Variants in ST7 observed in about 807,000 individuals in gnomAD.
The protein encoded by ST7 is suppression of tumorigenicity 7, also known as suppressor of tumorigenicity 7 protein.
Under a neutral mutation model 78.7 loss-of-function variants are expected in ST7, and 28 were observed. That is an observed-to-expected ratio of 0.36 (90% CI 0.26 to 0.49). The LOEUF is 0.49. Ranked by LOEUF, ST7 falls within the 20% of genes least tolerant of loss-of-function variation. ST7 has a pLI of 0.99. For synonymous variants in ST7, 247 were observed against 249.6 expected, an observed-to-expected ratio of 0.99 and a Z score of 0.10; for missense variants, 418 against 696.0, an observed-to-expected ratio of 0.60 and a Z score of 4.49.
intron 9 of ST7, among the ~76,000 whole-genome samples, chr7:117,157,339 A>G (rs912874634): frequency 2.6e-5 from 4 of 152,196 alleles, no homozygotes; most frequent in Non-Finnish European, 5.9e-5. Flanking sequence ...GTTTCTGTAA[A>G]TAGCATGTGG....
At chr7:117,037,015 C>T (rs1796933307) in intron 1 of ST7, among the ~76,000 whole-genome samples, 1 of 152,120 alleles carries the variant, frequency 6.6e-6, no homozygotes, top group Non-Finnish European at 1.5e-5. Context: ...ACAGGTTGGA[C>T]CCAGCATTGT....
intron 1 of ST7, among the ~76,000 whole-genome samples, chr7:117,092,894 C>G (rs1050288721): frequency 6.6e-6 from 1 of 152,170 alleles, no homozygotes; most frequent in African/African-American, 2.4e-5. Flanking sequence ...ATATTCATCC[C>G]TTGCAATGAA....
intron 1 of ST7, among the ~76,000 whole-genome samples, chr7:117,082,989 A>G (rs1381876642): frequency 3.9e-5 from 6 of 152,200 alleles, no homozygotes; most frequent in Non-Finnish European, 7.3e-5. Flanking sequence ...GATGTATTTC[A>G]GCACAGTTTA....
intron 9 of ST7, among the ~76,000 whole-genome samples, chr7:117,152,216 T>TATATAC (rs1554442488): frequency 4.2e-5 from 5 of 119,960 alleles, no homozygotes; most frequent in South Asian, 2.6e-4. Context: ...TATATATATA[T>TATATAC]ATATATACCA....
At chr7:117,221,506 A>G (rs1793087675) in intron 14 of ST7, among the ~76,000 whole-genome samples, 1 of 152,308 alleles carries the variant, frequency 6.6e-6, no homozygotes, top group East Asian at 1.9e-4. Context: ...TAGACGGGAT[A>G]CCTTTTTTCC....
chr7:116,995,903 C>T (rs955259039), intron 1 of ST7, among the ~76,000 whole-genome samples: 1 of 152,186 alleles, frequency 6.6e-6, no homozygotes, highest in African/African-American at 2.4e-5. Flanking sequence ...TGAAAAGACA[C>T]ATGTTTGAGC....
At chr7:117,225,329 A>G (rs1793368298) in intron 15 of ST7, among the ~76,000 whole-genome samples, 1 of 152,138 alleles carries the variant, frequency 6.6e-6, no homozygotes, top group African/African-American at 2.4e-5. Context: ...CTGCTCTACC[A>G]AGGTGTGGTA....
chr7:117,102,179 T>C (rs1360548662), intron 2 of ST7, among the ~76,000 whole-genome samples: 1 of 152,200 alleles, frequency 6.6e-6, no homozygotes. Context: ...ATGATGGTGA[T>C]AGTGTATGGT....
At chr7:116,983,146 C>T (rs959629742) in intron 1 of ST7, among the ~76,000 whole-genome samples, 1 of 152,206 alleles carries the variant, frequency 6.6e-6, no homozygotes, top group South Asian at 2.1e-4. Context: ...GATCTGCCCA[C>T]CTTGGCCTCC....
intron 1 of ST7, among the ~76,000 whole-genome samples, chr7:116,990,428 G>T (rs1167193420): frequency 6.6e-6 from 1 of 151,978 alleles, no homozygotes; most frequent in Non-Finnish European, 1.5e-5. Flanking sequence ...AGGGGTTAGT[G>T]TTGTTTTGTT....
chr7:117,109,483 G>A (rs1270165466), intron 2 of ST7, among the ~76,000 whole-genome samples: 1 of 152,072 alleles, frequency 6.6e-6, no homozygotes, highest in African/African-American at 2.4e-5. Flanking sequence ...ATGAATTCCT[G>A]GAAATATACA....
At chr7:117,150,138 C>G (rs115604222) in intron 9 of ST7, among the ~76,000 whole-genome samples, 1 of 152,084 alleles carries the variant, frequency 6.6e-6, no homozygotes. Flanking sequence ...TCCCTGGTTT[C>G]GTGGTTGTCT....
chr7:117,222,189 A>G (rs1793142031), intron 15 of ST7, 127 bp downstream of exon 15: 1 of 1,101,486 alleles, frequency 9.1e-7, no homozygotes, highest in Non-Finnish European at 1.2e-6. Flanking sequence ...ATTGCTCACC[A>G]TTTAATTTTC....
chr7:117,188,907 AT>A (rs955296894), intron 10 of ST7, among the ~76,000 whole-genome samples: 1 of 151,988 alleles, frequency 6.6e-6, no homozygotes, highest in Non-Finnish European at 1.5e-5. Flanking sequence ...TTTAATCTAG[AT>A]TTTTTTCTTC....
At chr7:117,138,168 A>G (rs1026383085) in intron 8 of ST7, among the ~76,000 whole-genome samples, 8 of 152,104 alleles carry the variant, frequency 5.3e-5, no homozygotes, top group African/African-American at 1.9e-4. Context: ...AACCGTATAC[A>G]CTGTGGGTAT....
intron 3 of ST7, chr7:117,128,360 T>C (rs1804041819): frequency 6.6e-6 from 1 of 151,724 alleles, no homozygotes; most frequent in Admixed American, 6.6e-5. Context: ...GGAGAAAAAA[T>C]AATTACAGGA....
chr7:116,991,383 G>C (rs1376701139), intron 1 of ST7, among the ~76,000 whole-genome samples: 4 of 152,162 alleles, frequency 2.6e-5, no homozygotes, highest in African/African-American at 9.7e-5. Flanking sequence ...TGGACTTACA[G>C]TTCCTCATGG....
intron 1 of ST7, 99 bp downstream of exon 1, chr7:116,953,790 CGCGCCGG>C: frequency 1.2e-6 from 1 of 854,928 alleles, no homozygotes. Context: ...CGCTCGGGGA[CGCGCCGG>C]GGCCCGCGCA....
intron 1 of ST7, among the ~76,000 whole-genome samples, chr7:117,011,133 T>G (rs965465346): frequency 6.6e-6 from 1 of 151,598 alleles, no homozygotes; most frequent in Non-Finnish European, 1.5e-5. Flanking sequence ...GTTTAAGTAT[T>G]TTGTGTGTGT....
Sources: gnomAD v4.1 joint callset for allele counts (sites outside exome capture counted in the v4.1 genomes callset) on GRCh38, gnomAD v4.1.1 for gene constraint, MANE v1.5 for transcripts, NCBI Gene and HGNC (gene_info 2026-07-23, HGNC 2026-07-21) for gene names.